DLX4: variants seen among roughly 807,000 people sequenced by gnomAD.
DLX4 encodes distal-less homeobox 4.
DLX4 carries 13 observed loss-of-function variants against 17.1 expected under a neutral mutation model. The ratio of observed to expected loss-of-function variants is 0.76; its 90% CI spans 0.49 to 1.21. DLX4 has a LOEUF of 1.21. Ranked by LOEUF, DLX4 falls within the 50% of genes most tolerant of loss-of-function variation. The probability of loss-of-function intolerance (pLI) is 0.00; values close to 1 mark genes in which losing one functional copy is unlikely to be tolerated. For missense variants in DLX4, 297 were observed against 301.4 expected (o/e 0.99, Z 0.11); for synonymous variants, 129 against 140.3 (o/e 0.92, Z 0.57).
Position 49,969,717 on chromosome 17 carries a change from C to T in DLX4, c.249C>T (p.Cys83=). The change falls in exon 1 of 3, where the codon TGC becomes TGT. Residue 83 remains cysteine (C), a synonymous_variant. Transcript: ENST00000240306. ...CCGCGGCGCTCTCTCAGCCCCTCTG[C>T]GGACCTGCAGAGCACCCTCAGGAAC... The part of the protein sequence containing the change: ...QQPAALSQPL[C]GPAEHPQELE... The T allele has an allele frequency of 1.2e-6, 2 of 1,600,722 alleles. No individual in the cohort carries two copies. Among genetic ancestry groups the T allele is most frequent in the Non-Finnish European group, 8.5e-7 (1 of 1,179,472 alleles).
At position 49,969,729 on chromosome 17, in the gene DLX4, G is replaced by A. The variant is rs1905435772; in HGVS notation, c.261G>A (p.Glu87=). The part of the protein sequence containing the change: ...ALSQPLCGPA[E]HPQELEADSE... ...CTCAGCCCCTCTGCGGACCTGCAGAGCACCCTCAGGAACTCGAGGCAGGTA... is the reference window on the plus strand; with the variant it reads ...CTCAGCCCCTCTGCGGACCTGCAGAACACCCTCAGGAACTCGAGGCAGGTA... The change falls in exon 1 of 3, where the codon GAG becomes GAA. Residue 87 remains glutamate (E), a synonymous_variant. Transcript: ENST00000240306. The A allele has an allele frequency of 1.9e-6, 3 of 1,598,286 alleles. No homozygotes were observed. In the African/African-American group the frequency reaches 4.0e-5, roughly 21 times the overall value.
chr17:49,973,505 G>A (rs1190860018), intron 2 of DLX4, 196 bp from the exon 3 acceptor site: 1 of 952,394 alleles, frequency 1.0e-6, no homozygotes, highest in South Asian at 1.6e-5. Context: ...GTCAGACAGG[G>A]AGACATGGAT....
At position 49,973,284 on chromosome 17, in the gene DLX4, G is replaced by C. The variant is rs755644161; in HGVS notation, c.480+15G>C. ...CCCAGACCCAGGTGGGGCCAGTGTC[G>C]TCCTTCCCCATCTCTCACCTTCCCT... On this transcript the variant is annotated intron_variant, in intron 2 of 2. Transcript: ENST00000240306. 1.1e-5 allele frequency: 17 copies of C among 1,612,246 alleles called. No homozygotes were observed. Among genetic ancestry groups the C allele is most frequent in the Admixed American group, 1.0e-4 (6 of 59,878 alleles).
At chr17:49,968,878 C>T (rs1905397019), upstream of DLX4, 1 of 152,320 alleles carries the variant, frequency 6.6e-6, no homozygotes, top group African/African-American at 2.4e-5. Flanking sequence ...AATGCAGATT[C>T]CCTGCGTCTC....
At chr17:49,969,066 G>A (rs900984908), upstream of DLX4, 15 of 183,384 alleles carry the variant, frequency 8.2e-5, no homozygotes, top group Non-Finnish European at 1.6e-4. Flanking sequence ...CATGCGCACC[G>A]CCCCTCTCCC....
At chr17:49,973,293 C>T (rs1239985490) in intron 2 of DLX4, 24 bp downstream of exon 2, 2 of 1,611,030 alleles carry the variant, frequency 1.2e-6, no homozygotes, top group Non-Finnish European at 1.7e-6. Context: ...CGTCCTTCCC[C>T]ATCTCTCACC....
chr17:49,972,656 A>C lies in DLX4; in HGVS notation c.284-417A>C. The C allele has an allele frequency of 2.0e-6, 2 of 985,926 alleles. No homozygotes were observed. The highest frequency in any genetic ancestry group is 2.5e-6 in the Non-Finnish European group (2 of 789,210). The allele number at this position is 985,926 out of a possible 1,614,324, so 61.1% of individuals were successfully genotyped here. On this transcript the variant is annotated intron_variant, in intron 1 of 2. Transcript: ENST00000240306. This position sits in a 1 kb window ranked among gnomAD's most constrained non-coding sequence, Gnocchi z 5.4. ...GCATTGCTCTGAGCCTCTGCCTGCA[A>C]TGTCCTTCCTCTGTCATCTCTAGGC...
At position 49,973,923 on chromosome 17, in the gene DLX4, G is replaced by C. The variant is rs780952219; in HGVS notation, c.703G>C (p.Ala235Pro). The C allele has an allele frequency of 1.2e-6, 2 of 1,607,912 alleles. No individual in the cohort carries two copies. The highest frequency in any genetic ancestry group is 2.7e-5 in the African/African-American group (2 of 74,444). ...WYQHHSSDVL[A>P]SPQMM ...TCAGCATCACTCCTCAGATGTCCTG[G>C]CTTCGCCTCAGATGATGTGAATCTG... Residue 235 changes from alanine (A) to proline (P), a missense_variant, in exon 3 of 3, where the codon GCT (alanine) becomes CCT (proline). Physicochemically the swap from Ala to Pro is conservative, Grantham distance 27. Coordinates refer to ENST00000240306, the MANE Select transcript of DLX4 (RefSeq NM_138281.3).
intron 1 of DLX4, 68 bp downstream of exon 1, chr17:49,969,819 C>T (rs1295475625): frequency 3.5e-6 from 5 of 1,412,164 alleles, no homozygotes; most frequent in Admixed American, 2.5e-5. Context: ...AAACTTCTCC[C>T]TCGCCTGGTT....
At chr17:49,969,980 A>G (rs1023158191) in intron 1 of DLX4, among the ~76,000 whole-genome samples, 1 of 151,990 alleles carries the variant, frequency 6.6e-6, no homozygotes, top group African/African-American at 2.4e-5. Flanking sequence ...TTCGATTTGC[A>G]GTTGTGTAAA....
At position 49,969,195 on chromosome 17, in the gene DLX4, G is replaced by A; in HGVS notation, c.-274G>A. 2.8e-6 allele frequency: 1 copy of A among 358,322 alleles called. No individual in the cohort carries two copies. The highest frequency in any genetic ancestry group is 5.0e-6 in the Non-Finnish European group (1 of 200,080). The allele number at this position is 358,322 out of a possible 1,614,324, so 22.2% of individuals were successfully genotyped here. ...TCTAAGAGGGCGGGGCCCCCGTCGG[G>A]TCCCGGGAACCGAACCCGATGGAGA... On this transcript the variant is annotated 5_prime_UTR_variant, in exon 1 of 3. Coordinates refer to ENST00000240306, the MANE Select transcript of DLX4 (RefSeq NM_138281.3).
Position 49,974,037 on chromosome 17 carries a change from G to C in DLX4, c.*94G>C. 2 of 1,431,478 alleles carry C rather than the reference G, an allele frequency of 1.4e-6. No individual in the cohort carries two copies. The highest frequency in any genetic ancestry group is 1.8e-6 in the Non-Finnish European group (2 of 1,090,280). 88.7% of individuals were successfully genotyped at this position (1,431,478 alleles called of 1,614,324 possible). ...CCCCTTCTGGGCTGGGAGGAAACCA[G>C]CTCCAGATGGGTTTTCTCTGGAGGA... On this transcript the variant is annotated 3_prime_UTR_variant, in exon 3 of 3. Coordinates refer to ENST00000240306, the MANE Select transcript of DLX4 (RefSeq NM_138281.3).
In DLX4 at chr17:49,973,286, C is replaced by T. The variant is rs1210725250; in HGVS notation, c.480+17C>T. On this transcript the variant is annotated intron_variant, in intron 2 of 2. Coordinates refer to ENST00000240306, the MANE Select transcript of DLX4 (RefSeq NM_138281.3). ...CAGACCCAGGTGGGGCCAGTGTCGT[C>T]CTTCCCCATCTCTCACCTTCCCTGG... 1.2e-6 allele frequency: 2 copies of T among 1,612,288 alleles called. No homozygotes were observed. Among genetic ancestry groups the T allele is most frequent in the Non-Finnish European group, 1.7e-6 (2 of 1,179,392 alleles).
At chr17:49,970,940 A>AC (rs1383080162) in intron 1 of DLX4, among the ~76,000 whole-genome samples, 1 of 151,688 alleles carries the variant, frequency 6.6e-6, no homozygotes, top group Non-Finnish European at 1.5e-5. Flanking sequence ...GCTTCCTCCA[A>AC]CCCCCCCAAA....
In DLX4 at chr17:49,973,287, C is replaced by CGGA. The variant is rs771446065; in HGVS notation, c.480+18_480+19insGGA. On this transcript the variant is annotated intron_variant, in intron 2 of 2. Coordinates refer to ENST00000240306, the MANE Select transcript of DLX4 (RefSeq NM_138281.3). ...AGACCCAGGTGGGGCCAGTGTCGTC[C>CGGA]TTCCCCATCTCTCACCTTCCCTGGT... The CGGA allele has an allele frequency of 2.5e-6, 4 of 1,612,112 alleles. No homozygotes were observed. In the Admixed American group the frequency reaches 6.7e-5, roughly 27 times the overall value.
chr17:49,970,982 G>A (rs1905483387), intron 1 of DLX4, among the ~76,000 whole-genome samples: 1 of 152,246 alleles, frequency 6.6e-6, no homozygotes, highest in South Asian at 2.1e-4. Context: ...AACTGTGGCT[G>A]TCTCCTGGGC....
rs1440717137 is a variant in DLX4 at position 49,969,654 on chromosome 17, A to G, written c.186A>G (p.Pro62=). Residue 62 remains proline, a synonymous_variant, in exon 1 of 3, where the codon CCA becomes CCG. Transcript: ENST00000240306. ...TCCTGTCTTACCCCTACACCGAGCC[A>G]GCGAACCCCGGAGACTCCTACCTGT... is the stretch of plus-strand genomic sequence containing the variant. ...GHLLSYPYTE[P]ANPGDSYLSC... 1.2e-6 allele frequency: 2 copies of G among 1,610,464 alleles called. No homozygotes were observed. Among genetic ancestry groups the G allele is most frequent in the Non-Finnish European group, 1.7e-6 (2 of 1,179,874 alleles).
chr17:49,969,705 T>C lies in DLX4; in HGVS notation c.237T>C (p.Ser79=). 1 of 1,602,320 alleles carries C rather than the reference T, an allele frequency of 6.2e-7. No individual in the cohort carries two copies. Among genetic ancestry groups the C allele is most frequent in the Non-Finnish European group, 8.5e-7 (1 of 1,179,750 alleles). ...YLSCQQPAAL[S]QPLCGPAEHP... ...CCTGCCAGCAACCCGCGGCGCTCTC[T>C]CAGCCCCTCTGCGGACCTGCAGAGC... The change falls in exon 1 of 3, where the codon TCT becomes TCC. Residue 79 remains serine (S), a synonymous_variant. Transcript: ENST00000240306.
Position 49,974,093 on chromosome 17 carries a change from C to A in DLX4, c.*150C>A. ...AGTTAGAGGAGAAAAAGGAATGGAG[C>A]AGAGCCTGTACCCCTAACCCTAACA... On this transcript the variant is annotated 3_prime_UTR_variant, in exon 3 of 3. Transcript: ENST00000240306. The A allele has an allele frequency of 1.9e-6, 2 of 1,069,060 alleles. No homozygotes were observed. The highest frequency in any genetic ancestry group is 2.6e-6 in the Non-Finnish European group (2 of 782,744). The allele number at this position is 1,069,060 out of a possible 1,614,324, so 66.2% of individuals were successfully genotyped here.
Sources: allele counts gnomAD v4.1 joint callset (sites outside exome capture counted in the v4.1 genomes callset), GRCh38; gene constraint gnomAD v4.1.1; non-coding constraint Gnocchi (gnomAD v3.1); transcripts MANE v1.5; gene names NCBI Gene and HGNC (gene_info 2026-07-23, HGNC 2026-07-21).